TSGA10: variants seen among roughly 807,000 people sequenced by gnomAD.
The protein encoded by TSGA10 is testis specific 10.
A neutral mutation model predicts 96.6 loss-of-function variants in TSGA10; 43 were observed. The observed-to-expected ratio is 0.44, with a 90% CI of 0.35 to 0.57. TSGA10 has a LOEUF of 0.57. Ranked by LOEUF, TSGA10 falls within the 20% of genes least tolerant of loss-of-function variation. The pLI is 0.01. For synonymous variants in TSGA10, 229 were observed against 269.9 expected (o/e 0.85, Z 1.48); for missense variants, 703 against 834.4 (o/e 0.84, Z 1.94).
intron 20 of TSGA10, among the ~76,000 whole-genome samples, chr2:99,013,522 C>A (rs1311328233): frequency 6.6e-6 from 1 of 150,818 alleles, no homozygotes; most frequent in African/African-American, 2.4e-5. Context: ...TTAGTAGAGA[C>A]GGGTTTTACC....
chr2:99,105,775 T>C, intron 7 of TSGA10, 78 bp from the exon 8 acceptor site: 2 of 1,239,872 alleles, frequency 1.6e-6, no homozygotes, highest in Non-Finnish European at 2.2e-6. Context: ...ATCTAGCCAG[T>C]TAAAATGCAA....
At chr2:99,011,022 T>G (rs1356981688) in intron 20 of TSGA10, among the ~76,000 whole-genome samples, 1 of 152,126 alleles carries the variant, frequency 6.6e-6, no homozygotes, top group Non-Finnish European at 1.5e-5. Context: ...CCCATTGGCC[T>G]GAGAACCATA....
chr2:99,107,073 C>A (rs1209332049), intron 7 of TSGA10, among the ~76,000 whole-genome samples: 3 of 152,148 alleles, frequency 2.0e-5, no homozygotes, highest in African/African-American at 7.2e-5. Flanking sequence ...TCTTTTTCCT[C>A]AAACCACCAA....
intron 20 of TSGA10, among the ~76,000 whole-genome samples, chr2:99,000,898 C>T (rs996931125): frequency 4.6e-5 from 7 of 152,242 alleles, no homozygotes; most frequent in South Asian, 4.1e-4. Flanking sequence ...GATCGAACTG[C>T]GAGGTGGCAG....
chr2:99,137,567 A>ATT (rs34412914), intron 1 of TSGA10, among the ~76,000 whole-genome samples: 11 of 150,258 alleles, frequency 7.3e-5, no homozygotes, highest in East Asian at 2.0e-4. Context: ...TTTCTTTTTC[A>ATT]TTTTTTTTTC....
chr2:99,018,665 T>C (rs370344377), intron 18 of TSGA10, 25 bp from the exon 19 acceptor site: 66 of 1,580,616 alleles, frequency 4.2e-5, no homozygotes, highest in Admixed American at 9.2e-5. Flanking sequence ...ATAAGAGTTA[T>C]AGTTGACTAA....
At chr2:99,118,434 C>T (rs925139499) in intron 3 of TSGA10, 117 bp downstream of exon 3, 2 of 296,858 alleles carry the variant, frequency 6.7e-6, no homozygotes, top group African/African-American at 5.3e-5. Flanking sequence ...CTTGGTGACA[C>T]AGCAAGACTC....
intron 19 of TSGA10, 65 bp from the exon 20 acceptor site, chr2:99,018,414 T>C (rs1335239531): frequency 6.3e-7 from 1 of 1,590,400 alleles, no homozygotes; most frequent in East Asian, 2.2e-5. Context: ...ATCATAAAAC[T>C]AGCTCAATTC....
rs1305399450 is a variant in TSGA10, at chr2:99,135,947, T to C, written c.-620-8771A>G. 3.4e-5 allele frequency among the ~76,000 whole-genome samples: 5 copies of C among 144,938 alleles called. No homozygotes were observed. In the Admixed American group the frequency reaches 3.7e-4, roughly 11 times the overall value. On this transcript the variant is annotated intron_variant, in intron 1 of 20. Transcript: ENST00000393483. ...TCACTTGAACCTGAGAGGTGGAGGT[T>C]GCAGTGAGCCAAGATTGCACCATTG...
chr2:99,146,496 G>A (rs201560103), intron 1 of TSGA10, among the ~76,000 whole-genome samples: 3 of 144,930 alleles, frequency 2.1e-5, no homozygotes, highest in Non-Finnish European at 4.5e-5. Flanking sequence ...CAAACTCACT[G>A]TTTTCCTCCC....
intron 15 of TSGA10, among the ~76,000 whole-genome samples, chr2:99,067,974 A>G (rs965674171): frequency 3.3e-5 from 5 of 152,162 alleles, no homozygotes; most frequent in African/African-American, 1.2e-4. Flanking sequence ...TCCCGATTAC[A>G]GATGGGAAGA....
chr2:99,101,810 A>G (rs1181607576), intron 10 of TSGA10, among the ~76,000 whole-genome samples: 1 of 152,176 alleles, frequency 6.6e-6, no homozygotes, highest in Non-Finnish European at 1.5e-5. Context: ...ACTACTCAAT[A>G]CTCCACTTAC....
intron 16 of TSGA10, among the ~76,000 whole-genome samples, chr2:99,063,255 A>G (rs1163802106): frequency 6.6e-6 from 1 of 152,226 alleles, no homozygotes; most frequent in African/African-American, 2.4e-5. Context: ...ACATACTTTC[A>G]AACATTTAGA....
intron 13 of TSGA10, among the ~76,000 whole-genome samples, chr2:99,072,092 G>T (rs1314135002): frequency 6.6e-6 from 1 of 152,206 alleles, no homozygotes; most frequent in Non-Finnish European, 1.5e-5. Flanking sequence ...ATACATAATA[G>T]TCAATGATTT....
At chr2:99,059,475 A>T (rs1468329586) in intron 16 of TSGA10, among the ~76,000 whole-genome samples, 1 of 150,152 alleles carries the variant, frequency 6.7e-6, no homozygotes, top group African/African-American at 2.5e-5. Flanking sequence ...TCTCTATTAA[A>T]AATACAAAAA....
chr2:99,021,143 T>C (rs971383157), intron 17 of TSGA10, among the ~76,000 whole-genome samples: 1 of 151,890 alleles, frequency 6.6e-6, no homozygotes, highest in Non-Finnish European at 1.5e-5. Context: ...TCTTGTAATA[T>C]ACATAACAAA....
chr2:99,128,799 C>T lies in TSGA10; in HGVS notation c.-620-1623G>A, dbSNP rs144103343. Among the ~76,000 whole-genome samples, 387 of 152,308 alleles carry T rather than the reference C, an allele frequency of 2.5e-3. 4 individuals carry two copies. Among genetic ancestry groups the T allele is most frequent in the African/African-American group, 8.9e-3 (371 of 41,576 alleles). ...AACACTTAAGGGTCTCACCCTGTCA[C>T]CCAGGTTGGCATGATCACGGCTCAC... On this transcript the variant is annotated intron_variant, in intron 1 of 20. Coordinates refer to ENST00000393483, the MANE Select transcript of TSGA10 (RefSeq NM_025244.4).
At chr2:99,001,242 T>C (rs1454171730) in intron 20 of TSGA10, among the ~76,000 whole-genome samples, 2 of 152,042 alleles carry the variant, frequency 1.3e-5, no homozygotes, top group Non-Finnish European at 2.9e-5. Context: ...TGACACCTCA[T>C]ACAGCCAGGT....
intron 17 of TSGA10, among the ~76,000 whole-genome samples, chr2:99,032,362 C>T (rs889348902): frequency 6.6e-6 from 1 of 152,162 alleles, no homozygotes; most frequent in African/African-American, 2.4e-5. Flanking sequence ...AAAAGGAACG[C>T]TGCATTTAAA....
Sources: gnomAD v4.1 joint callset for allele counts (sites outside exome capture counted in the v4.1 genomes callset) on GRCh38, gnomAD v4.1.1 for gene constraint, MANE v1.5 for transcripts, NCBI Gene and HGNC (gene_info 2026-07-23, HGNC 2026-07-21) for gene names.